SDHA: variants seen among roughly 807,000 people sequenced by gnomAD.
SDHA encodes the protein succinate dehydrogenase [ubiquinone] flavoprotein subunit, mitochondrial.
SDHA carries 48 observed loss-of-function variants against 78.4 expected under a neutral mutation model. The observed-to-expected ratio is 0.61, with a 90% CI of 0.49 to 0.78. The LOEUF (loss-of-function observed/expected upper bound fraction) is 0.78, where lower values mean the gene tolerates loss of function less well. SDHA is among the 30% of genes least tolerant of loss of function. The pLI is 0.00. For synonymous variants in SDHA, 326 were observed against 353.9 expected (o/e 0.92, Z 0.88); for missense variants, 680 against 892.7 (o/e 0.76, Z 3.04).
intron 1 of SDHA, among the ~76,000 whole-genome samples, chr5:220,619 CAG>C (rs1475200575): frequency 2.6e-5 from 4 of 151,682 alleles, no homozygotes; most frequent in African/African-American, 9.7e-5. Flanking sequence ...TTGGGAGTCT[CAG>C]AGATTTTTCC....
intron 7 of SDHA, 41 bp downstream of exon 7, chr5:231,041 T>C: frequency 6.2e-7 from 1 of 1,612,096 alleles, no homozygotes; most frequent in African/African-American, 1.3e-5. Flanking sequence ...TTGGCTTGTG[T>C]GTGTCTTGTA....
the SDHA span, among the ~76,000 whole-genome samples, chr5:262,222 G>C: frequency 2.1e-3 from 109 of 52,278 alleles, 1 homozygote; most frequent in South Asian, 5.0e-3. Context: ...TCCGCCTCCC[G>C]ACAGAGCATT....
intron 7 of SDHA, 79 bp downstream of exon 7, chr5:231,079 C>T: frequency 1.3e-6 from 2 of 1,515,810 alleles, no homozygotes; most frequent in South Asian, 2.3e-5. Context: ...CATTGCTCTT[C>T]CATAGTTTTA....
At position 233,761 on chromosome 5, in the gene SDHA, C is replaced by A. The variant is rs376992380; in HGVS notation, c.1064+116C>A. ...TGTGCAGGCGCATGTGCACAGCCAC[C>A]TCTCTTAGCTGCTGGCAGGCGTCTG... is the stretch of plus-strand genomic sequence containing the variant. On this transcript the variant is annotated intron_variant, in intron 8 of 14. Transcript: ENST00000264932. 178 of 1,013,566 alleles carry A rather than the reference C, an allele frequency of 1.8e-4. No homozygotes were observed. The African/African-American group carries it at 2.4e-3, about 14-fold the overall frequency. 62.8% of individuals were successfully genotyped at this position (1,013,566 alleles called of 1,614,324 possible).
intron 10 of SDHA, among the ~76,000 whole-genome samples, chr5:239,328 C>T (rs1269208410): frequency 2.0e-5 from 3 of 152,070 alleles, no homozygotes; most frequent in African/African-American, 7.2e-5. Context: ...TTTGGGAAGC[C>T]AAGGCAGGTG....
intron 13 of SDHA, 177 bp downstream of exon 13, chr5:251,645 T>C (rs755369584): frequency 5.8e-5 from 88 of 1,528,638 alleles, no homozygotes; most frequent in East Asian, 2.5e-5. Context: ...TCTGGATCAC[T>C]GTGACCTTTT....
In SDHA at chr5:254,407, G is replaced by A; in HGVS notation, c.1809G>A (p.Glu603=). The A allele has an allele frequency of 6.2e-7, 1 of 1,603,552 alleles. No homozygotes were observed. The highest frequency in any genetic ancestry group is 2.2e-5 in the East Asian group (1 of 44,704). ...AREDYKVRID[E]YDYSKPIQGQ... ...TCTGGCCTCAGGTGCGGATTGATGA[G>A]TACGATTACTCCAAGCCCATCCAGG... The change falls in exon 14 of 15, where the codon GAG becomes GAA. Residue 603 remains glutamate, a synonymous_variant. Transcript: ENST00000264932.
intron 1 of SDHA, among the ~76,000 whole-genome samples, chr5:219,250 G>A (rs559111265): frequency 1.3e-5 from 2 of 150,438 alleles, no homozygotes; most frequent in East Asian, 3.9e-4. Flanking sequence ...TGGTGGTCAG[G>A]GTTATACTTC....
At chr5:224,968 G>C in intron 3 of SDHA, 1 of 336,718 alleles carries the variant, frequency 3.0e-6, no homozygotes, top group South Asian at 2.8e-5. Context: ...GGGTACAGGG[G>C]AGTGCGACTC....
At chr5:234,905 G>GT in intron 8 of SDHA, 1 of 572,258 alleles carries the variant, frequency 1.7e-6, no homozygotes, top group Non-Finnish European at 3.2e-6. Context: ...TGAGACGAGC[G>GT]TGAGTTTAGT....
intron 1 of SDHA, among the ~76,000 whole-genome samples, chr5:219,259 TC>T (rs371879241): frequency 0.011 from 1,616 of 148,450 alleles, 34 homozygotes; most frequent in African/African-American, 0.04. Flanking sequence ...GGGTTATACT[TC>T]CCTGAGCCCT....
chr5:251,391 C>G lies in SDHA; in HGVS notation c.1717C>G (p.Leu573Val), dbSNP rs1445945083. 1.9e-6 allele frequency: 3 copies of G among 1,613,774 alleles called. No homozygotes were observed. Among genetic ancestry groups the G allele is most frequent in the Non-Finnish European group, 2.5e-6 (3 of 1,179,858 alleles). Reference sequence around the variant, plus strand: ...GACCCTGGAGCTGCAGAACCTGATGCTGTGTGCGCTGCAGACCATCTACGG... The same window carrying G: ...GACCCTGGAGCTGCAGAACCTGATGGTGTGTGCGCTGCAGACCATCTACGG... ...VETLELQNLM[L>V]CALQTIYGAE... is the part of the protein sequence containing the mutation. Residue 573 changes from leucine to valine, a missense_variant, in exon 13 of 15, where the codon CTG (leucine) becomes GTG (valine). By Grantham distance (32) the Leu-to-Val change is conservative. Transcript: ENST00000264932.
At chr5:263,508 G>A in the SDHA span, among the ~76,000 whole-genome samples, 1,253 of 152,266 alleles carry the variant, frequency 8.2e-3, 15 homozygotes, top group African/African-American at 0.025. Flanking sequence ...CCTACGTGAC[G>A]GAAAGCAGAT....
At chr5:246,525 G>GC in intron 11 of SDHA, among the ~76,000 whole-genome samples, 1 of 152,268 alleles carries the variant, frequency 6.6e-6, no homozygotes, top group East Asian at 1.9e-4. Context: ...TGATCGAAAA[G>GC]CAAGGCCATA....
chr5:227,207 C>T (rs940147289), intron 5 of SDHA, among the ~76,000 whole-genome samples: 1 of 152,066 alleles, frequency 6.6e-6, no homozygotes, highest in African/African-American at 2.4e-5. Flanking sequence ...GACAGGGTTT[C>T]CCATGTTGCC....
chr5:256,644 A>G lies in SDHA; in HGVS notation c.*224A>G, dbSNP rs1323838821. On this transcript the variant is annotated 3_prime_UTR_variant, in exon 15 of 15. Transcript: ENST00000264932. ...TTGCTTCATTCTTGTGAGATGATAA[A>G]ACTGGGCACAGCTCTTAAATAAAAT... The G allele has an allele frequency of 5.4e-6, 3 of 554,584 alleles. No individual in the cohort carries two copies. In the African/African-American group the frequency reaches 5.7e-5, roughly 10 times the overall value. The allele number at this position is 554,584 out of a possible 1,614,324, so 34.4% of individuals were successfully genotyped here. A position where few individuals can be genotyped will look rare whatever the true frequency, so the allele number is the denominator to read the frequency against.
chr5:230,491 G>T (rs1376409216), intron 6 of SDHA, among the ~76,000 whole-genome samples: 3 of 152,080 alleles, frequency 2.0e-5, no homozygotes, highest in Non-Finnish European at 4.4e-5. Context: ...ACTGGGCGTG[G>T]TGGTGCACAC....
intron 13 of SDHA, among the ~76,000 whole-genome samples, chr5:253,535 T>G (rs112089032): frequency 0.11 from 16,896 of 151,872 alleles, 3,030 homozygotes; most frequent in African/African-American, 0.38. Context: ...GCCTCCCGGG[T>G]TCAAGTGATT....
chr5:225,589 C>T, intron 4 of SDHA, 27 bp downstream of exon 4: 6 of 1,613,874 alleles, frequency 3.7e-6, no homozygotes, highest in Non-Finnish European at 5.1e-6. Flanking sequence ...TCTGGGTGTT[C>T]TCGTGGTCTG....
Sources: gnomAD v4.1 joint callset for allele counts (sites outside exome capture counted in the v4.1 genomes callset) on GRCh38, gnomAD v4.1.1 for gene constraint, MANE v1.5 for transcripts, NCBI Gene and HGNC (gene_info 2026-07-23, HGNC 2026-07-21) for gene names.